The following FHIT variants were observed in gnomAD, a reference collection of about 807,000 sequenced individuals.
FHIT encodes the protein bis(5'-adenosyl)-triphosphatase.
FHIT carries 19 observed loss-of-function variants against 17.9 expected under a neutral mutation model. The ratio of observed to expected loss-of-function variants is 1.06; its 90% CI spans 0.74 to 1.56. The LOEUF is 1.56. Ranked by LOEUF, FHIT falls within the 40% of genes most tolerant of loss-of-function variation. The probability of loss-of-function intolerance (pLI) is 0.00; values close to 1 mark genes in which losing one functional copy is unlikely to be tolerated. For missense variants in FHIT, 248 were observed against 189.2 expected (o/e 1.31, Z -1.82); for synonymous variants, 81 against 69.7 (o/e 1.16, Z -0.81).
intron 5 of FHIT, among the ~76,000 whole-genome samples, chr3:60,115,263 A>C (rs752286277): frequency 1.6e-4 from 25 of 152,196 alleles, no homozygotes; most frequent in Non-Finnish European, 2.6e-4. Context: ...TATTGAAAAA[A>C]GTATTAAAGA....
intron 8 of FHIT, among the ~76,000 whole-genome samples, chr3:59,916,691 T>C (rs1705150934): frequency 6.6e-6 from 1 of 152,204 alleles, no homozygotes; most frequent in South Asian, 2.1e-4. Context: ...TACCCAGCTT[T>C]CTCATTACTA....
At chr3:59,924,007 A>T (rs986678035) in intron 7 of FHIT, among the ~76,000 whole-genome samples, 1 of 152,216 alleles carries the variant, frequency 6.6e-6, no homozygotes, top group Non-Finnish European at 1.5e-5. Flanking sequence ...TGTGCACTTC[A>T]GTCACAAAGA....
chr3:60,148,878 A>G (rs79497309), intron 5 of FHIT, among the ~76,000 whole-genome samples: 1,560 of 152,286 alleles, frequency 0.01, 31 homozygotes, highest in African/African-American at 0.036. Context: ...TTAACAAAGT[A>G]AGTGTAAACG....
chr3:60,533,956 A>ACC (rs1171842194), intron 5 of FHIT, among the ~76,000 whole-genome samples: 1 of 152,142 alleles, frequency 6.6e-6, no homozygotes, highest in East Asian at 1.9e-4. Context: ...GATGAACCAC[A>ACC]CCTAAGGGCT....
At chr3:61,062,283 T>A (rs1446728425) in intron 2 of FHIT, among the ~76,000 whole-genome samples, 1 of 152,180 alleles carries the variant, frequency 6.6e-6, no homozygotes, top group African/African-American at 2.4e-5. Flanking sequence ...TTTAGTTTAA[T>A]TATTTAAAAA....
At chr3:60,392,490 A>C (rs1233952760) in intron 5 of FHIT, among the ~76,000 whole-genome samples, 2 of 152,210 alleles carry the variant, frequency 1.3e-5, no homozygotes, top group Admixed American at 6.5e-5. Context: ...GAAGAGGAAG[A>C]AGGACTGATG....
At chr3:60,529,577 A>C (rs1487283731) in intron 5 of FHIT, among the ~76,000 whole-genome samples, 1 of 152,220 alleles carries the variant, frequency 6.6e-6, no homozygotes, top group African/African-American at 2.4e-5. Flanking sequence ...ATTCCTTAGC[A>C]AGTGCGATGC....
chr3:60,626,713 G>C (rs1014415650), intron 4 of FHIT, among the ~76,000 whole-genome samples: 5 of 149,038 alleles, frequency 3.4e-5, no homozygotes, highest in African/African-American at 2.5e-5. Flanking sequence ...GGTTAGAACT[G>C]TTAGACAATG....
At chr3:61,036,506 C>A (rs1197591391) in intron 3 of FHIT, among the ~76,000 whole-genome samples, 3 of 152,108 alleles carry the variant, frequency 2.0e-5, no homozygotes, top group African/African-American at 7.2e-5. Flanking sequence ...AATAATTTGA[C>A]CCAAAAGCTT....
In FHIT at chr3:59,802,556, G is replaced by C. The variant is rs1242775457; in HGVS notation, c.349-50235C>G. ...TTGTGACCCCCGCCCCTGCCCACCA[G>C]AGAACAACCCCCTTTGACTGTGATT... On this transcript the variant is annotated intron_variant, in intron 8 of 9. Coordinates refer to ENST00000492590, the MANE Select transcript of FHIT (RefSeq NM_002012.4). Among the ~76,000 whole-genome samples, 6 of 151,722 alleles carry C rather than the reference G, an allele frequency of 4.0e-5. No homozygotes were observed. The East Asian group carries it at 1.2e-3, about 29-fold the overall frequency.
intron 5 of FHIT, among the ~76,000 whole-genome samples, chr3:60,206,589 C>G (rs1422200924): frequency 6.6e-6 from 1 of 152,164 alleles, no homozygotes; most frequent in Non-Finnish European, 1.5e-5. Flanking sequence ...GAGGCAAGGG[C>G]TGCACCAAAA....
chr3:61,231,742 G>T (rs1186583273), intron 1 of FHIT, among the ~76,000 whole-genome samples: 1 of 152,140 alleles, frequency 6.6e-6, no homozygotes, highest in Non-Finnish European at 1.5e-5. Flanking sequence ...CACCTAGCTG[G>T]AGAAAAAGGC....
At chr3:59,920,534 C>G (rs1705351283) in intron 8 of FHIT, among the ~76,000 whole-genome samples, 1 of 152,138 alleles carries the variant, frequency 6.6e-6, no homozygotes, top group Admixed American at 6.5e-5. Flanking sequence ...TTGAACTGGG[C>G]TGAAAAGTAA....
rs150931006 is a variant in FHIT at position 61,134,100 on chromosome 3, TAC to T, written c.-164+66515_-164+66516del. Among the ~76,000 whole-genome samples the T allele has an allele frequency of 5.9e-3, 789 of 134,846 alleles. 5 individuals carry two copies. Among genetic ancestry groups the T allele is most frequent in the East Asian group, 0.013 (60 of 4,576 alleles). 88.5% of individuals were successfully genotyped at this position (134,846 alleles called of 152,430 possible). Reference sequence around the variant, plus strand: ...TGAGACTCTGTCTCACACACACACATACACACACACACACACACACACACACA... The same window carrying T: ...TGAGACTCTGTCTCACACACACACATACACACACACACACACACACACACA... On this transcript the variant is annotated intron_variant, in intron 2 of 9. Transcript: ENST00000492590.
In FHIT at chr3:61,099,795, T is replaced by C. The variant is rs540628848; in HGVS notation, c.-163-57696A>G. ...TGATTTCTGATTGTGCTTATTTGAA[T>C]CTTCTCTCTTTTCTTCTTTATTAGT... is the stretch of plus-strand genomic sequence containing the variant. On this transcript the variant is annotated intron_variant, in intron 2 of 9. Transcript: ENST00000492590. 1.2e-4 allele frequency among the ~76,000 whole-genome samples: 18 copies of C among 152,182 alleles called. No individual in the cohort carries two copies. In the South Asian group the frequency reaches 3.5e-3, roughly 30 times the overall value.
Position 60,676,424 on chromosome 3 carries a change from T to C in FHIT, c.-17-139445A>G, listed in dbSNP as rs114404523. On this transcript the variant is annotated intron_variant, in intron 4 of 9. Transcript: ENST00000492590. ...GATGGTTGGAAGGGCAGGTGGATGA[T>C]TGGGACCACCACTAGGTTTATTCTT... Among the ~76,000 whole-genome samples, 1,137 of 152,292 alleles carry C rather than the reference T, an allele frequency of 7.5e-3. 16 individuals are homozygous for C. Among genetic ancestry groups the C allele is most frequent in the African/African-American group, 0.026 (1,066 of 41,576 alleles).
chr3:59,772,088 G>A (rs1371590935), intron 8 of FHIT, among the ~76,000 whole-genome samples: 2 of 152,174 alleles, frequency 1.3e-5, no homozygotes, highest in African/African-American at 4.8e-5. Flanking sequence ...ACAGTCACTG[G>A]CTTGTATCTC....
At chr3:61,079,090 A>G (rs1166607336) in intron 2 of FHIT, among the ~76,000 whole-genome samples, 1 of 152,212 alleles carries the variant, frequency 6.6e-6, no homozygotes, top group East Asian at 1.9e-4. Context: ...AAAATGTTAA[A>G]TGCATTAAAT....
At chr3:59,997,324 T>C (rs371369987) in intron 7 of FHIT, among the ~76,000 whole-genome samples, 60 of 152,236 alleles carry the variant, frequency 3.9e-4, no homozygotes, top group African/African-American at 1.4e-3. Context: ...AGAGAATCAA[T>C]CCAAATTGCC....
Sources: allele counts gnomAD v4.1 joint callset (sites outside exome capture counted in the v4.1 genomes callset), GRCh38; gene constraint gnomAD v4.1.1; transcripts MANE v1.5; gene names NCBI Gene and HGNC (gene_info 2026-07-23, HGNC 2026-07-21).